The following KCNH1 variants were observed in gnomAD, a reference collection of about 807,000 sequenced individuals.
The protein encoded by KCNH1 is voltage-gated delayed rectifier potassium channel KCNH1.
In KCNH1, 27 loss-of-function variants were observed where a neutral mutation model predicts 69.2. The observed-to-expected ratio is 0.39, with a 90% CI of 0.29 to 0.54. KCNH1 has a LOEUF of 0.54. KCNH1 is among the 20% of genes least tolerant of loss of function. The pLI is 0.68. For missense variants in KCNH1, 798 were observed against 1,261.6 expected (o/e 0.63, Z 5.57); for synonymous variants, 456 against 487.7 (o/e 0.93, Z 0.86).
intron 6 of KCNH1, among the ~76,000 whole-genome samples, chr1:210,957,334 T>G (rs1260110986): frequency 6.6e-6 from 1 of 152,136 alleles, no homozygotes; most frequent in Non-Finnish European, 1.5e-5. Context: ...TTATGTCCAA[T>G]TATGTTGTCA....
chr1:210,789,018 G>A (rs146856478), intron 9 of KCNH1, among the ~76,000 whole-genome samples: 211 of 152,206 alleles, frequency 1.4e-3, no homozygotes, highest in Middle Eastern at 3.4e-3. Context: ...CTAAAAGTGC[G>A]GACTTAGTTT....
intron 2 of KCNH1, among the ~76,000 whole-genome samples, chr1:211,106,229 G>C (rs1424578136): frequency 6.6e-6 from 1 of 152,250 alleles, no homozygotes; most frequent in Non-Finnish European, 1.5e-5. Context: ...AAAAGGCTAT[G>C]GTGGGCCAAG....
rs528121558 is a variant in KCNH1 at position 211,099,312 on chromosome 1, T to A, written c.310+4184A>T. On this transcript the variant is annotated intron_variant, in intron 3 of 10. Transcript: ENST00000271751. ...TCTCTGAGTCTGTTGGGTGTTTTTT[T>A]TTCTTTATATTTTTTGCATGCATTC... Among the ~76,000 whole-genome samples, 6 of 152,296 alleles carry A rather than the reference T, an allele frequency of 3.9e-5. No homozygotes were observed. In the South Asian group the frequency reaches 1.2e-3, roughly 32 times the overall value.
intron 7 of KCNH1, among the ~76,000 whole-genome samples, chr1:210,876,173 A>G (rs535854496): frequency 1.3e-5 from 2 of 152,294 alleles, no homozygotes; most frequent in African/African-American, 2.4e-5. Flanking sequence ...AATTAAGACA[A>G]TTTTTAAAAG....
intron 7 of KCNH1, among the ~76,000 whole-genome samples, chr1:210,852,504 C>A (rs12564329): frequency 0.1 from 15,303 of 151,994 alleles, 830 homozygotes; most frequent in Non-Finnish European, 0.11. Flanking sequence ...TTCTAGGAAG[C>A]CTTCTATTTT....
At chr1:211,016,289 A>T (rs72468065) in intron 6 of KCNH1, among the ~76,000 whole-genome samples, 8,869 of 152,092 alleles carry the variant, frequency 0.058, 328 homozygotes, top group East Asian at 0.18. Context: ...GGGGAGAAGA[A>T]CTCTGCTCTG....
intron 10 of KCNH1, among the ~76,000 whole-genome samples, chr1:210,705,515 T>C (rs1378367400): frequency 6.6e-6 from 1 of 152,190 alleles, no homozygotes; most frequent in African/African-American, 2.4e-5. Context: ...TCTGGTCCCA[T>C]TGAAGCCAGA....
intron 7 of KCNH1, among the ~76,000 whole-genome samples, chr1:210,876,057 C>T (rs528164160): frequency 4.6e-5 from 7 of 152,096 alleles, no homozygotes; most frequent in South Asian, 4.2e-4. Flanking sequence ...TTAATTCTTC[C>T]GAAATTGTGT....
chr1:210,920,486 A>C (rs1370927338), intron 6 of KCNH1, among the ~76,000 whole-genome samples: 1 of 152,180 alleles, frequency 6.6e-6, no homozygotes, highest in Non-Finnish European at 1.5e-5. Flanking sequence ...CATTTCATCC[A>C]AATTATATTG....
At position 210,797,672 on chromosome 1, in the gene KCNH1, A is replaced by G. The variant is rs1431828147; in HGVS notation, c.1751T>C (p.Leu584Pro). Residue 584 changes from leucine to proline, a missense_variant, in exon 9 of 11, where the codon CTG becomes CCG. Physicochemically the swap from Leu to Pro is moderately conservative, Grantham distance 98 (BLOSUM62 -3). Coordinates refer to ENST00000271751, the MANE Select transcript of KCNH1 (RefSeq NM_172362.3). Reference protein sequence around the residue: ...KVFKEHPAFRLASDGCLRALA... With the variant: ...KVFKEHPAFRPASDGCLRALA... The stretch of plus-strand genomic sequence containing the variant: ...TGCCCGGAGGCAGCCATCACTGGCC[A>G]GCCGGAAGGCCGGGTGCTCCTTGAA... 6.2e-7 allele frequency: 1 copy of G among 1,614,252 alleles called. No individual in the cohort carries two copies. The highest frequency in any genetic ancestry group is 8.5e-7 in the Non-Finnish European group (1 of 1,180,042).
chr1:210,961,078 CT>C (rs1226023380), intron 6 of KCNH1, among the ~76,000 whole-genome samples: 9 of 152,118 alleles, frequency 5.9e-5, no homozygotes, highest in African/African-American at 2.2e-4. Flanking sequence ...ATTTTATCAT[CT>C]GTATCATGTC....
chr1:211,114,029 G>A (rs1403632414), intron 1 of KCNH1, among the ~76,000 whole-genome samples: 1 of 151,558 alleles, frequency 6.6e-6, no homozygotes. Flanking sequence ...GAGAAAGAGA[G>A]AATATGTGTG....
chr1:210,737,249 G>C (rs957213722), intron 10 of KCNH1, among the ~76,000 whole-genome samples: 2 of 152,150 alleles, frequency 1.3e-5, no homozygotes, highest in Non-Finnish European at 2.9e-5. Context: ...TACGAGGAAA[G>C]ACACCCAAAG....
At chr1:210,924,737 T>C (rs759060791) in intron 6 of KCNH1, among the ~76,000 whole-genome samples, 1 of 152,152 alleles carries the variant, frequency 6.6e-6, no homozygotes, top group Non-Finnish European at 1.5e-5. Flanking sequence ...CCAGCAATGC[T>C]GTCACCATGA....
At chr1:210,745,381 T>C (rs1163509858) in intron 10 of KCNH1, among the ~76,000 whole-genome samples, 1 of 152,194 alleles carries the variant, frequency 6.6e-6, no homozygotes, top group Non-Finnish European at 1.5e-5. Context: ...GATTCAACTA[T>C]TCTGCTCCAT....
chr1:210,917,012 A>G (rs1687346279), intron 7 of KCNH1, among the ~76,000 whole-genome samples: 1 of 151,764 alleles, frequency 6.6e-6, no homozygotes, highest in Non-Finnish European at 1.5e-5. Context: ...GCCAGGTGTC[A>G]TGGTGCGTGC....
intron 7 of KCNH1, among the ~76,000 whole-genome samples, chr1:210,903,263 A>G (rs1687032207): frequency 6.6e-6 from 1 of 152,174 alleles, no homozygotes; most frequent in South Asian, 2.1e-4. Context: ...ATCAAATTAT[A>G]TATGTACTTG....
intron 5 of KCNH1, among the ~76,000 whole-genome samples, chr1:211,081,117 A>G (rs1164311518): frequency 6.6e-6 from 1 of 152,242 alleles, no homozygotes; most frequent in East Asian, 1.9e-4. Context: ...AAACAAATTT[A>G]CAAGAAAAAA....
intron 6 of KCNH1, among the ~76,000 whole-genome samples, chr1:211,004,640 A>T (rs1343064001): frequency 6.6e-6 from 1 of 152,190 alleles, no homozygotes; most frequent in Non-Finnish European, 1.5e-5. Flanking sequence ...GACAGAAGAT[A>T]GAAACTAAGA....
Sources: gnomAD v4.1 joint callset for allele counts (sites outside exome capture counted in the v4.1 genomes callset) on GRCh38, gnomAD v4.1.1 for gene constraint, MANE v1.5 for transcripts, NCBI Gene and HGNC (gene_info 2026-07-23, HGNC 2026-07-21) for gene names.